The following TEX15 variants were observed in gnomAD, a reference collection of about 807,000 sequenced individuals.
TEX15 encodes the protein testis expressed 15, meiosis and synapsis associated.
A neutral mutation model predicts 237.3 loss-of-function variants in TEX15; 171 were observed. The ratio of observed to expected loss-of-function variants is 0.72; its 90% confidence interval spans 0.64 to 0.82. TEX15 has a LOEUF of 0.82. Among genes scored for constraint, TEX15 ranks in the 40% least tolerant of loss-of-function variants. The pLI is 0.00. For synonymous variants in TEX15, 1,338 were observed against 1,269.8 expected (o/e 1.05, Z -1.14); for missense variants, 3,750 against 3,646.5 (o/e 1.03, Z -0.73).
rs1350013550 is a variant in TEX15, at chr8:30,837,713, C to T, written c.8571G>A (p.Gly2857=). Residue 2857 remains glycine, a synonymous_variant, in exon 10 of 11, where the codon GGG becomes GGA. Transcript: ENST00000643185. ...TTTTAAGAAATTTCTGCAAAAGCGT[C>T]CCATGGTCTGGTGAAAATGTGCCAT... ...SVHGTFSPDH[G]TLLQKFLKNS... The T allele has an allele frequency of 2.5e-6, 4 of 1,614,034 alleles. No homozygotes were observed. The highest frequency in any genetic ancestry group is 2.2e-5 in the East Asian group (1 of 44,874).
intron 1 of TEX15, among the ~76,000 whole-genome samples, chr8:30,908,753 T>C (rs1288694333): frequency 6.6e-6 from 1 of 152,226 alleles, no homozygotes; most frequent in African/African-American, 2.4e-5. Flanking sequence ...ACTTTGTTTT[T>C]GATAAGAGGG....
rs545334057 is a variant in TEX15 at position 30,871,145 on chromosome 8, C to T, written c.303-3643G>A. On this transcript the variant is annotated intron_variant, in intron 4 of 10. Coordinates refer to ENST00000643185, the MANE Select transcript of TEX15 (RefSeq NM_001350162.2). The stretch of plus-strand genomic sequence containing the variant: ...TAAAAGCTCCTGTGATTAAACTGAG[C>T]CCACTAATATCACCTCAGATAATCA... 2.6e-5 allele frequency among the ~76,000 whole-genome samples: 4 copies of T among 152,166 alleles called. No individual in the cohort carries two copies. The South Asian group carries it at 6.2e-4, about 24-fold the overall frequency.
rs763619907 is a variant in TEX15 at position 30,844,474 on chromosome 8, T to C, written c.5693A>G (p.His1898Arg). 2.5e-5 allele frequency: 40 copies of C among 1,613,326 alleles called. No homozygotes were observed. Among genetic ancestry groups the C allele is most frequent in the Non-Finnish European group, 3.3e-5 (39 of 1,179,574 alleles). The change falls in exon 8 of 11, where the codon CAT becomes CGT. Residue 1898 changes from histidine to arginine, a missense_variant. Coordinates refer to ENST00000643185, the MANE Select transcript of TEX15 (RefSeq NM_001350162.2). ...AGTGGTAGTATTTTTAGTGCTCAGA[T>C]GGGAATCAATCAAGTTAGTTGTAAT... ...KIITTNLIDSHLSTKNTTTES... is the reference protein window; with the variant it reads ...KIITTNLIDSRLSTKNTTTES...
Position 30,846,360 on chromosome 8 carries a change from T to C in TEX15, c.3807A>G (p.Thr1269=), listed in dbSNP as rs1258031616. ...ESLFTEPSNV[T]TIDDGSRCFF... Reference sequence around the variant, plus strand: ...AACATCTGCTTCCATCATCTATTGTTGTGACATTAGAAGGTTCAGTAAACA... The same window carrying C: ...AACATCTGCTTCCATCATCTATTGTCGTGACATTAGAAGGTTCAGTAAACA... The change falls in exon 8 of 11, where the codon ACA becomes ACG. Residue 1269 remains threonine (T), a synonymous_variant. Transcript: ENST00000643185. 6.2e-7 allele frequency: 1 copy of C among 1,613,214 alleles called. No individual in the cohort carries two copies. The highest frequency in any genetic ancestry group is 1.1e-5 in the South Asian group (1 of 91,014).
In TEX15 at chr8:30,843,401, C is replaced by T. The variant is rs755125212; in HGVS notation, c.6766G>A (p.Glu2256Lys). 8 of 1,612,968 alleles carry T rather than the reference C, an allele frequency of 5.0e-6. No homozygotes were observed. In the Admixed American group the frequency reaches 5.0e-5, roughly 10 times the overall value. ...SSKVNFIKNNEAVRVKISLYG... is the reference protein window; with the variant it reads ...SSKVNFIKNNKAVRVKISLYG... ...AGAGATATTTTAACACGTACTGCCT[C>T]GTTGTTCTTAATAAAATTAACCTTT... Residue 2256 changes from glutamate (E) to lysine (K), a missense_variant, in exon 8 of 11, where the codon GAG (glutamate) becomes AAG (lysine). Coordinates refer to ENST00000643185, the MANE Select transcript of TEX15 (RefSeq NM_001350162.2).
chr8:30,834,837 G>A lies in TEX15; in HGVS notation c.9482-1514C>T, dbSNP rs561179801. Among the ~76,000 whole-genome samples, 4 of 152,312 alleles carry A rather than the reference G, an allele frequency of 2.6e-5. No homozygotes were observed. In the South Asian group the frequency reaches 8.3e-4, roughly 32 times the overall value. ...AGTGATATAACTCCAAAGCAGAGGA[G>A]CTGATGTGATCAGATTTCTCAGTTA... On this transcript the variant is annotated intron_variant, in intron 10 of 10. Transcript: ENST00000643185.
chr8:30,905,903 C>A (rs1479072182), intron 1 of TEX15, among the ~76,000 whole-genome samples: 1 of 151,866 alleles, frequency 6.6e-6, no homozygotes, highest in Non-Finnish European at 1.5e-5. Context: ...CACCCTGTCT[C>A]AAAAAACAAA....
In TEX15 at chr8:30,894,708, T is replaced by C. The variant is rs540587557; in HGVS notation, c.-10+4034A>G. 4.5e-4 allele frequency among the ~76,000 whole-genome samples: 68 copies of C among 152,208 alleles called. 1 individual carries two copies. The South Asian group carries it at 0.013, about 30-fold the overall frequency. ...CTTTAAACCATGTAAAAAAATTAAC[T>C]GCAAATGGGTCAAAGATTAAAGATA... On this transcript the variant is annotated intron_variant, in intron 2 of 10. Coordinates refer to ENST00000643185, the MANE Select transcript of TEX15 (RefSeq NM_001350162.2).
intron 9 of TEX15, among the ~76,000 whole-genome samples, chr8:30,838,707 CACACACACACATATAT>C (rs1807367878): frequency 1.4e-5 from 2 of 146,744 alleles, no homozygotes; most frequent in Admixed American, 6.8e-5. Context: ...TACACACACA[CACACACACACATATAT>C]ACACACACAC....
chr8:30,839,592 T>C (rs1243970972), intron 9 of TEX15, among the ~76,000 whole-genome samples: 1 of 152,180 alleles, frequency 6.6e-6, no homozygotes, highest in Admixed American at 6.5e-5. Flanking sequence ...TGTGAAACAA[T>C]CACCCTTTTC....
Position 30,843,118 on chromosome 8 carries a change from G to C in TEX15, c.7049C>G (p.Ala2350Gly), listed in dbSNP as rs1349532422. 2 of 1,613,000 alleles carry C rather than the reference G, an allele frequency of 1.2e-6. No individual in the cohort carries two copies. Among genetic ancestry groups the C allele is most frequent in the Non-Finnish European group, 1.7e-6 (2 of 1,179,554 alleles). ...TTTAGAATTTTCTATGCTAATTGTT[G>C]CTTCGTTTATTGGATGATCTGACTT... ...SRKSDHPINE[A>G]TISIENSKFN... Residue 2350 changes from alanine (A) to glycine (G), a missense_variant, in exon 8 of 11, where the codon GCA (alanine) becomes GGA (glycine). Transcript: ENST00000643185.
rs372214371 is a variant in TEX15 at position 30,833,295 on chromosome 8, T to C, written c.9510A>G (p.Pro3170=). ...YAPWHQESFH[P]GH is the part of the protein sequence containing the mutation. ...AGACAGAAGACTATTTTCAGTGTCC[T>C]GGATGAAAGGATTCTTGGTGCCATG... The change falls in exon 11 of 11, where the codon CCA becomes CCG. Residue 3170 remains proline (P), a synonymous_variant. Transcript: ENST00000643185. 6.3e-7 allele frequency: 1 copy of C among 1,595,060 alleles called. No individual in the cohort carries two copies.
intron 4 of TEX15, among the ~76,000 whole-genome samples, chr8:30,872,206 T>G (rs943074374): frequency 6.6e-6 from 1 of 152,144 alleles, no homozygotes; most frequent in Non-Finnish European, 1.5e-5. Context: ...AGATTGCATT[T>G]AAAATACAGT....
At position 30,845,897 on chromosome 8, in the gene TEX15, A is replaced by G; in HGVS notation, c.4270T>C (p.Trp1424Arg). Residue 1424 changes from tryptophan to arginine, a missense_variant, in exon 8 of 11, where the codon TGG (tryptophan) becomes CGG (arginine). Transcript: ENST00000643185. The stretch of plus-strand genomic sequence containing the variant: ...TAACCTTGAAGGTCACAACTTTCCC[A>G]GAAATTATTGCATATTATTGCATAT... ...KSYAIICNNF[W>R]ESCDLQGYSS... 1.2e-6 allele frequency: 2 copies of G among 1,613,352 alleles called. No homozygotes were observed. Among genetic ancestry groups the G allele is most frequent in the Non-Finnish European group, 1.7e-6 (2 of 1,179,618 alleles).
intron 3 of TEX15, among the ~76,000 whole-genome samples, chr8:30,885,094 G>A (rs1281270147): frequency 6.6e-6 from 1 of 151,772 alleles, no homozygotes; most frequent in Non-Finnish European, 1.5e-5. Flanking sequence ...TTAGAAGTGT[G>A]CTGTTTAATC....
rs774793600 is a variant in TEX15 at position 30,844,607 on chromosome 8, T to C, written c.5560A>G (p.Lys1854Glu). 3 of 1,613,388 alleles carry C rather than the reference T, an allele frequency of 1.9e-6. No homozygotes were observed. The highest frequency in any genetic ancestry group is 2.5e-6 in the Non-Finnish European group (3 of 1,179,594). Residue 1854 changes from lysine (K) to glutamate (E), a missense_variant, in exon 8 of 11, where the codon AAA (lysine) becomes GAA (glutamate). Transcript: ENST00000643185. Reference sequence around the variant, plus strand: ...ATGCTTCTTTTGTAAACAGAATCTTTTGCTTTTTCCGCTTGTTTAACTTTC... The same window carrying C: ...ATGCTTCTTTTGTAAACAGAATCTTCTGCTTTTTCCGCTTGTTTAACTTTC... The part of the protein sequence containing the change: ...TWKVKQAEKA[K>E]DSVYKRSMTE...
chr8:30,883,878 G>A (rs1476827148), intron 3 of TEX15, among the ~76,000 whole-genome samples: 1 of 152,194 alleles, frequency 6.6e-6, no homozygotes, highest in Non-Finnish European at 1.5e-5. Context: ...TAATCGGACT[G>A]CTGGGTCAAA....
rs201226792 is a variant in TEX15, at chr8:30,837,542, T to C, written c.8742A>G (p.Thr2914=). The change falls in exon 10 of 11, where the codon ACA becomes ACG. Residue 2914 remains threonine (T), a synonymous_variant. Coordinates refer to ENST00000643185, the MANE Select transcript of TEX15 (RefSeq NM_001350162.2). The part of the protein sequence containing the change: ...DVHPDLEMND[T]VFELQDNDIV... ...TATCATTATCTTGAAGTTCAAAGAC[T>C]GTGTCATTCATTTCTAGATCAGGAT... The C allele has an allele frequency of 6.2e-7, 1 of 1,613,866 alleles. No individual in the cohort carries two copies. Among genetic ancestry groups the C allele is most frequent in the Non-Finnish European group, 8.5e-7 (1 of 1,179,942 alleles).
rs774275271 is a variant in TEX15 at position 30,838,025 on chromosome 8, T to C, written c.8259A>G (p.Ile2753Met). Residue 2753 changes from isoleucine (I) to methionine (M), a missense_variant, in exon 10 of 11, where the codon ATA becomes ATG. Physicochemically the swap from Ile to Met is conservative, Grantham distance 10 (BLOSUM62 1). Coordinates refer to ENST00000643185, the MANE Select transcript of TEX15 (RefSeq NM_001350162.2). The stretch of plus-strand genomic sequence containing the variant: ...TCAGACTGTCACATGAACTTGGTAC[T>C]ATTTTGTTTTCGCTTTTGGGATGAG... ...TGSHPKSENK[I>M]VPSSCDSLKR... 2.5e-6 allele frequency: 4 copies of C among 1,612,874 alleles called. No individual in the cohort carries two copies. The highest frequency in any genetic ancestry group is 3.4e-6 in the Non-Finnish European group (4 of 1,179,706).
Sources: gnomAD v4.1 joint callset for allele counts (sites outside exome capture counted in the v4.1 genomes callset) on GRCh38, gnomAD v4.1.1 for gene constraint, MANE v1.5 for transcripts, NCBI Gene and HGNC (gene_info 2026-07-23, HGNC 2026-07-21) for gene names.